SAMD11: variants seen among roughly 807,000 people sequenced by gnomAD.
SAMD11 encodes sterile alpha motif domain-containing protein 11.
Under a neutral mutation model 64.4 loss-of-function variants are expected in SAMD11, and 77 were observed. The ratio of observed to expected loss-of-function variants is 1.20; its 90% CI spans 0.99 to 1.44. The LOEUF is 1.44. Ranked by LOEUF, SAMD11 falls within the 40% of genes most tolerant of loss-of-function variation. The probability of loss-of-function intolerance (pLI) is 0.00; values close to 1 mark genes in which losing one functional copy is unlikely to be tolerated. For synonymous variants in SAMD11, 658 were observed against 421.9 expected, an observed-to-expected ratio of 1.56 and a Z score of -6.86; for missense variants, 1,402 against 943.3, an observed-to-expected ratio of 1.49 and a Z score of -6.37.
Position 942,462 on chromosome 1 carries a change from G to C in SAMD11, c.1527G>C (p.Glu509Asp), listed in dbSNP as rs1376862644. 7 of 1,487,916 alleles carry C rather than the reference G, an allele frequency of 4.7e-6. No individual in the cohort carries two copies. The African/African-American group carries it at 7.3e-5, about 15-fold the overall frequency. 92.2% of individuals were successfully genotyped at this position (1,487,916 alleles called of 1,614,324 possible). Residue 509 changes from glutamate to aspartate, a missense_variant, in exon 10 of 14, where the codon GAG becomes GAC. Physicochemically the swap from Glu to Asp is conservative, Grantham distance 45. Coordinates refer to ENST00000616016, the MANE Select transcript of SAMD11 (RefSeq NM_001385641.1). ...AQAEMFAWQQ[E>D]LLRKQNLARL... ...CGGAGATGTTCGCCTGGCAGCAGGA[G>C]CTCCTGCGGAAGCAGAACCTGGCCC...
chr1:935,707 G>T (rs1246887636), intron 4 of SAMD11, 65 bp from the exon 5 acceptor site: 28 of 1,603,918 alleles, frequency 1.7e-5, no homozygotes, highest in East Asian at 2.2e-5. Flanking sequence ...CACTCCCTGT[G>T]CCCAGGCTGG....
At position 925,908 on chromosome 1, in the gene SAMD11, G is replaced by T. The variant is rs1640860659; in HGVS notation, c.518-14G>T. On this transcript the variant is annotated splice_polypyrimidine_tract_variant and intron_variant, in intron 1 of 13. Coordinates refer to ENST00000616016, the MANE Select transcript of SAMD11 (RefSeq NM_001385641.1). ...GCCGCTCCCTCACAGGGTCTGCCTC[G>T]GCTCTGCTCGCAGGGAAAAGTCTGA... 2 of 1,596,226 alleles carry T rather than the reference G, an allele frequency of 1.3e-6. No homozygotes were observed. The highest frequency in any genetic ancestry group is 1.7e-5 in the Admixed American group (1 of 59,982).
At chr1:938,731 AG>A (rs1491049909) in intron 5 of SAMD11, among the ~76,000 whole-genome samples, 1 of 152,148 alleles carries the variant, frequency 6.6e-6, no homozygotes, top group East Asian at 1.9e-4. Context: ...GGGGGATGAG[AG>A]GGGGGCTCGT....
intron 1 of SAMD11, 28 bp from the exon 2 acceptor site, chr1:925,894 A>C (rs1161220594): frequency 6.5e-7 from 1 of 1,546,622 alleles, no homozygotes; most frequent in Middle Eastern, 1.7e-4. Context: ...CCGCTCCCTC[A>C]CAGGGTCTGC....
At chr1:943,474 C>T (rs537662530) in intron 12 of SAMD11, 97 bp downstream of exon 12, 19 of 1,133,330 alleles carry the variant, frequency 1.7e-5, no homozygotes, top group Admixed American at 4.9e-5. Flanking sequence ...TCCCCAACGC[C>T]CTCTCCCTCC....
At chr1:935,922 C>T in intron 5 of SAMD11, 26 bp downstream of exon 5, 7 of 1,606,800 alleles carry the variant, frequency 4.4e-6, no homozygotes, top group Non-Finnish European at 5.9e-6. Context: ...GGCCTGAGGG[C>T]GGGGTCGGGG....
Position 944,304 on chromosome 1 carries a change from T to C in SAMD11, c.*151T>C, listed in dbSNP as rs1371579853. The C allele has an allele frequency of 3.6e-6, 5 of 1,392,368 alleles. No individual in the cohort carries two copies. The highest frequency in any genetic ancestry group is 6.8e-5 in the Admixed American group (2 of 29,608). The allele number at this position is 1,392,368 out of a possible 1,614,324, so 86.3% of individuals were successfully genotyped here. On this transcript the variant is annotated 3_prime_UTR_variant, in exon 14 of 14. Coordinates refer to ENST00000616016, the MANE Select transcript of SAMD11 (RefSeq NM_001385641.1). ...TGTGACTTCAAAGGAAAGGAACAAA[T>C]TTTCAAAGACTTGGGGGAGTGAAGG...
At chr1:931,614 G>C (rs1641173982) in intron 4 of SAMD11, among the ~76,000 whole-genome samples, 1 of 152,226 alleles carries the variant, frequency 6.6e-6, no homozygotes, top group African/African-American at 2.4e-5. Flanking sequence ...ATGCTGAAGA[G>C]TCATGGATGC....
At position 937,359 on chromosome 1, in the gene SAMD11, G is replaced by A. The variant is rs375680061; in HGVS notation, c.967+1463G>A. Among the ~76,000 whole-genome samples the A allele has an allele frequency of 9.2e-5, 14 of 151,978 alleles. 1 individual carries two copies. In the South Asian group the frequency reaches 2.7e-3, roughly 29 times the overall value. ...GTGAGGAGTGAGCATGGCCTCATCG[G>A]CCTTCCTGCGGTCTCATTGCAGGCC... On this transcript the variant is annotated intron_variant, in intron 5 of 13. Coordinates refer to ENST00000616016, the MANE Select transcript of SAMD11 (RefSeq NM_001385641.1).
intron 4 of SAMD11, among the ~76,000 whole-genome samples, chr1:933,747 G>C (rs1029561274): frequency 6.6e-6 from 1 of 151,904 alleles, no homozygotes; most frequent in Non-Finnish European, 1.5e-5. Flanking sequence ...TGCCTGGGGG[G>C]GGCTTCCTTT....
intron 5 of SAMD11, among the ~76,000 whole-genome samples, chr1:937,530 G>T (rs1053998149): frequency 7.9e-5 from 12 of 152,148 alleles, no homozygotes; most frequent in Non-Finnish European, 1.3e-4. Context: ...TAACCCTGAG[G>T]GCATGTGCAT....
intron 7 of SAMD11, among the ~76,000 whole-genome samples, chr1:939,625 C>G (rs867971974): frequency 6.6e-6 from 1 of 152,174 alleles, no homozygotes; most frequent in Admixed American, 6.5e-5. Context: ...ACCTCCATGT[C>G]CCCTAGGTCC....
In SAMD11 at chr1:944,244, G is replaced by C; in HGVS notation, c.*91G>C. On this transcript the variant is annotated 3_prime_UTR_variant, in exon 14 of 14. Coordinates refer to ENST00000616016, the MANE Select transcript of SAMD11 (RefSeq NM_001385641.1). ...GCCTCCCACCGCTTTATTTCTTTCGGTTTCGGATGCAAAACAAAAAATTTT... is the reference window on the plus strand; with the variant it reads ...GCCTCCCACCGCTTTATTTCTTTCGCTTTCGGATGCAAAACAAAAAATTTT... 6.9e-7 allele frequency: 1 copy of C among 1,454,262 alleles called. No homozygotes were observed. Among genetic ancestry groups the C allele is most frequent in the Non-Finnish European group, 9.1e-7 (1 of 1,104,400 alleles). The allele number at this position is 1,454,262 out of a possible 1,614,324, so 90.1% of individuals were successfully genotyped here. A position where few individuals can be genotyped will look rare whatever the true frequency, so the allele number is the denominator to read the frequency against.
At chr1:943,211 G>C in intron 11 of SAMD11, 42 bp from the exon 12 acceptor site, 1 of 1,611,178 alleles carries the variant, frequency 6.2e-7, no homozygotes, top group South Asian at 1.1e-5. Context: ...GGCGGGTATG[G>C]GAAAGCCAGC....
intron 4 of SAMD11, 98 bp downstream of exon 4, chr1:931,187 G>GCTCA: frequency 9.0e-7 from 1 of 1,110,390 alleles, no homozygotes; most frequent in Non-Finnish European, 1.3e-6. Context: ...CGCTGTCTCA[G>GCTCA]CGTGAGCTGA....
chr1:927,514 G>T (rs1440679694), intron 2 of SAMD11, among the ~76,000 whole-genome samples: 4 of 152,156 alleles, frequency 2.6e-5, no homozygotes, highest in African/African-American at 9.7e-5. Flanking sequence ...GCCTCTGCCA[G>T]TCCCTCCCAG....
chr1:942,632 A>C lies in SAMD11; in HGVS notation c.1627A>C (p.Thr543Pro), dbSNP rs2100359183. 1 of 1,439,046 alleles carries C rather than the reference A, an allele frequency of 6.9e-7. No individual in the cohort carries two copies. The highest frequency in any genetic ancestry group is 9.1e-7 in the Non-Finnish European group (1 of 1,103,152). 89.1% of individuals were successfully genotyped at this position (1,439,046 alleles called of 1,614,324 possible). A position where few individuals can be genotyped will look rare whatever the true frequency, so the allele number is the denominator to read the frequency against. ...GCGCCCACAGCTGCTGGCGCCCGAGACCGCCCTGCGCCCCAACGACGGCGC... is the reference window on the plus strand; with the variant it reads ...GCGCCCACAGCTGCTGGCGCCCGAGCCCGCCCTGCGCCCCAACGACGGCGC... ...SARPQLLAPE[T>P]ALRPNDGAEE... Residue 543 changes from threonine to proline, a missense_variant, in exon 11 of 14, where the codon ACC becomes CCC. Physicochemically the swap from Thr to Pro is conservative, Grantham distance 38. Transcript: ENST00000616016.
In SAMD11 at chr1:943,501, G is replaced by T. The variant is rs1231500475; in HGVS notation, c.2178+124G>T. 7 of 994,894 alleles carry T rather than the reference G, an allele frequency of 7.0e-6. No homozygotes were observed. In the African/African-American group the frequency reaches 1.2e-4, roughly 16 times the overall value. 61.6% of individuals were successfully genotyped at this position (994,894 alleles called of 1,614,324 possible). ...TCTCCCTCCCCAAAAGCAGTGCGCA[G>T]CAGGGACTGGACTGTGCACCCCACC... On this transcript the variant is annotated intron_variant, in intron 12 of 13. Transcript: ENST00000616016.
At chr1:939,561 G>A (rs888928964) in intron 7 of SAMD11, 149 bp downstream of exon 7, 71 of 901,730 alleles carry the variant, frequency 7.9e-5, no homozygotes, top group South Asian at 7.5e-4. Context: ...AGGCCAGGCT[G>A]GATGCAGGTC....
Sources: gnomAD v4.1 joint callset for allele counts (sites outside exome capture counted in the v4.1 genomes callset) on GRCh38, gnomAD v4.1.1 for gene constraint, MANE v1.5 for transcripts, NCBI Gene and HGNC (gene_info 2026-07-23, HGNC 2026-07-21) for gene names.